Variants in PXT1 observed in about 807,000 individuals in gnomAD.
PXT1 encodes the protein peroxisomal testis enriched protein 1, also known as peroxisomal testis-specific protein 1.
In PXT1, 11 loss-of-function variants were observed where a neutral mutation model predicts 11.0. The observed-to-expected ratio is 1.00, with a 90% CI of 0.63 to 1.66. The LOEUF (loss-of-function observed/expected upper bound fraction) is 1.66. PXT1 is among the 40% of genes most tolerant of loss of function. The pLI is 0.00. For missense variants in PXT1, 141 were observed against 155.5 expected (o/e 0.91, Z 0.49); for synonymous variants, 43 against 51.4 (o/e 0.84, Z 0.70).
At chr6:36,426,196 C>T (rs1774603706) in intron 2 of PXT1, 105 bp from the exon 3 acceptor site, 1 of 721,638 alleles carries the variant, frequency 1.4e-6, no homozygotes, top group Non-Finnish European at 2.2e-6. Context: ...ATTTATTCCA[C>T]ATATAAGAGA....
chr6:36,403,938 G>A (rs1163662778), intron 3 of PXT1, among the ~76,000 whole-genome samples: 2 of 152,196 alleles, frequency 1.3e-5, no homozygotes, highest in Non-Finnish European at 2.9e-5. Flanking sequence ...TTGAAGCACA[G>A]GGGATGTAGA....
At chr6:36,417,068 G>A (rs1161209566) in intron 3 of PXT1, among the ~76,000 whole-genome samples, 1 of 152,144 alleles carries the variant, frequency 6.6e-6, no homozygotes, top group Non-Finnish European at 1.5e-5. Flanking sequence ...CTTAACGGCC[G>A]GGCACAGTGG....
chr6:36,437,686 T>A (rs776813728), intron 2 of PXT1, among the ~76,000 whole-genome samples: 19 of 151,124 alleles, frequency 1.3e-4, no homozygotes, highest in Admixed American at 2.0e-4. Flanking sequence ...GCTAATTTTT[T>A]AAAATATTTT....
intron 4 of PXT1, among the ~76,000 whole-genome samples, chr6:36,392,618 G>A (rs1433577514): frequency 6.6e-6 from 1 of 152,108 alleles, no homozygotes; most frequent in Non-Finnish European, 1.5e-5. Context: ...CTGTGATTGT[G>A]CCACAGCACT....
At chr6:36,410,713 T>C (rs545464363) in intron 3 of PXT1, among the ~76,000 whole-genome samples, 3 of 152,324 alleles carry the variant, frequency 2.0e-5, no homozygotes, top group African/African-American at 7.2e-5. Context: ...TTGATGGACG[T>C]TGGCACCTCA....
chr6:36,431,089 T>C lies in PXT1; in HGVS notation c.-9-4998A>G, dbSNP rs555665861. ...CCTCGGCCTCCCAAAGTGCTGGGAT[T>C]ACAGGCGTGAGCCACCATGCCTGGC... is the stretch of plus-strand genomic sequence containing the variant. On this transcript the variant is annotated intron_variant, in intron 2 of 4. Transcript: ENST00000454782. Among the ~76,000 whole-genome samples the C allele has an allele frequency of 5.0e-4, 76 of 152,322 alleles. 2 individuals carry two copies. In the South Asian group the frequency reaches 0.013, roughly 26 times the overall value.
chr6:36,417,783 G>A (rs994697805), intron 3 of PXT1, among the ~76,000 whole-genome samples: 3 of 145,834 alleles, frequency 2.1e-5, no homozygotes, highest in Admixed American at 6.8e-5. Context: ...AAAAAAAAAA[G>A]AAAGAAAGAA....
intron 2 of PXT1, among the ~76,000 whole-genome samples, chr6:36,433,211 T>C (rs1774717192): frequency 6.6e-6 from 1 of 152,064 alleles, no homozygotes; most frequent in South Asian, 2.1e-4. Flanking sequence ...ATAAAAATAC[T>C]TCAAAGAAAT....
rs116430875 is a variant in PXT1, at chr6:36,436,323, G to A, written c.-10+2444C>T. Reference sequence around the variant, plus strand: ...ATCACTTTGGCTACTGGATGGAGGTGGTTTGGAAGCAGGCAAGAGACCACT... The same window carrying A: ...ATCACTTTGGCTACTGGATGGAGGTAGTTTGGAAGCAGGCAAGAGACCACT... On this transcript the variant is annotated intron_variant, in intron 2 of 4. Coordinates refer to ENST00000454782, the MANE Select transcript of PXT1 (RefSeq NM_152990.4). 8.6e-3 allele frequency among the ~76,000 whole-genome samples: 1,312 copies of A among 152,238 alleles called. 21 individuals carry two copies. Among genetic ancestry groups the A allele is most frequent in the African/African-American group, 0.03 (1,255 of 41,528 alleles).
At chr6:36,415,279 C>A (rs950028959) in intron 3 of PXT1, among the ~76,000 whole-genome samples, 2 of 152,000 alleles carry the variant, frequency 1.3e-5, no homozygotes, top group Non-Finnish European at 2.9e-5. Context: ...CCTGCCTCTA[C>A]TAAAAATACA....
At chr6:36,419,406 G>A (rs550496908) in intron 3 of PXT1, among the ~76,000 whole-genome samples, 1 of 152,288 alleles carries the variant, frequency 6.6e-6, no homozygotes, top group East Asian at 1.9e-4. Context: ...AGAAATGAAG[G>A]AGCTACAAGG....
intron 3 of PXT1, among the ~76,000 whole-genome samples, chr6:36,407,442 G>GA: frequency 6.6e-6 from 1 of 152,238 alleles, no homozygotes; most frequent in African/African-American, 2.4e-5. Context: ...ATATCTAGGA[G>GA]AAAAAAGTTG....
intron 3 of PXT1, among the ~76,000 whole-genome samples, chr6:36,411,773 C>T (rs1353118747): frequency 6.6e-6 from 1 of 151,868 alleles, no homozygotes; most frequent in Non-Finnish European, 1.5e-5. Context: ...GAGACCCCAT[C>T]TCTACAAAAT....
chr6:36,426,985 G>C (rs1774617327), intron 2 of PXT1, among the ~76,000 whole-genome samples: 1 of 151,390 alleles, frequency 6.6e-6, no homozygotes, highest in Non-Finnish European at 1.5e-5. Context: ...ATCCAAATGA[G>C]ATGAAGAATT....
chr6:36,399,347 AG>A lies in PXT1; in HGVS notation c.300+1106del, dbSNP rs750814348. Among the ~76,000 whole-genome samples, 9 of 152,276 alleles carry A rather than the reference AG, an allele frequency of 5.9e-5. 1 individual carries two copies. Among genetic ancestry groups the A allele is most frequent in the East Asian group, 1.9e-4 (1 of 5,174 alleles). On this transcript the variant is annotated intron_variant, in intron 4 of 4. Transcript: ENST00000454782. ...TTTTCAGTAGAGACGGGGTTTCACC[AG>A]GTTGGCCAGGATGGTCACGAACTCC... is the stretch of plus-strand genomic sequence containing the variant.
At chr6:36,409,681 G>T (rs975166163) in intron 3 of PXT1, among the ~76,000 whole-genome samples, 3 of 151,460 alleles carry the variant, frequency 2.0e-5, no homozygotes, top group African/African-American at 7.3e-5. Flanking sequence ...CAAAAAATTA[G>T]CCAGGTGTGG....
At chr6:36,434,089 A>G (rs909926138) in intron 2 of PXT1, among the ~76,000 whole-genome samples, 1 of 151,778 alleles carries the variant, frequency 6.6e-6, no homozygotes, top group African/African-American at 2.4e-5. Context: ...AATAAAGCAA[A>G]TATTGGGAGC....
chr6:36,402,926 T>A (rs1774233806), intron 3 of PXT1, among the ~76,000 whole-genome samples: 1 of 149,220 alleles, frequency 6.7e-6, no homozygotes, highest in Non-Finnish European at 1.5e-5. Context: ...ATTTTTCTTT[T>A]TATTTTTCTT....
chr6:36,398,602 A>G (rs745988056), intron 4 of PXT1, among the ~76,000 whole-genome samples: 21 of 152,224 alleles, frequency 1.4e-4, no homozygotes, highest in Non-Finnish European at 2.8e-4. Context: ...AAGTATGTTA[A>G]GTGAAAGAAG....
Sources: allele counts gnomAD v4.1 joint callset (sites outside exome capture counted in the v4.1 genomes callset), GRCh38; gene constraint gnomAD v4.1.1; transcripts MANE v1.5; gene names NCBI Gene and HGNC (gene_info 2026-07-23, HGNC 2026-07-21).